TMEM230: variants seen among roughly 807,000 people sequenced by gnomAD.
The protein encoded by TMEM230 is transmembrane protein 230.
Under a neutral mutation model 15.8 loss-of-function variants are expected in TMEM230, and 10 were observed. The observed-to-expected ratio is 0.63, with a 90% CI of 0.39 to 1.07. The LOEUF (loss-of-function observed/expected upper bound fraction) is 1.07, where lower values mean the gene tolerates loss of function less well. Ranked by LOEUF, TMEM230 falls within the 50% of genes least tolerant of loss-of-function variation. The probability of loss-of-function intolerance (pLI) is 0.01; values close to 1 mark genes in which losing one functional copy is unlikely to be tolerated. For missense variants in TMEM230, 165 were observed against 193.3 expected (o/e 0.85, Z 0.87); for synonymous variants, 67 against 76.9 (o/e 0.87, Z 0.68).
At position 5,100,889 on chromosome 20, in the gene TMEM230, C is replaced by G. The variant is rs760972897; in HGVS notation, c.454G>C (p.Val152Leu). The G allele has an allele frequency of 2.5e-6, 4 of 1,614,178 alleles. No homozygotes were observed. The highest frequency in any genetic ancestry group is 3.4e-6 in the Non-Finnish European group (4 of 1,180,032). Reference sequence around the variant, plus strand: ...AGGTGGTAAAATCCGGGTAGGAACACCAGAATGCCAATGATCAGCACTGGA... The same window carrying G: ...AGGTGGTAAAATCCGGGTAGGAACAGCAGAATGCCAATGATCAGCACTGGA... Residue 152 changes from valine to leucine, a missense_variant, in exon 5 of 5, where the codon GTG becomes CTG. By Grantham distance (32) the Val-to-Leu change is conservative. Transcript: ENST00000342308.
At chr20:5,091,596 T>G (rs944523887) in intron 3 of TMEM230, among the ~76,000 whole-genome samples, 8 of 152,218 alleles carry the variant, frequency 5.3e-5, no homozygotes, top group African/African-American at 1.9e-4. Flanking sequence ...CCCAAGGATA[T>G]GATGGGCTGA....
downstream of TMEM230, among the ~76,000 whole-genome samples, chr20:5,063,697 A>G (rs2088627356): frequency 6.6e-6 from 1 of 152,196 alleles, no homozygotes; most frequent in Non-Finnish European, 1.5e-5. Context: ...AGAAAAGTGA[A>G]AAGTCATACA....
exon 4 of TMEM230, chr20:5,069,079 C>T: frequency 3.2e-6 from 3 of 950,174 alleles, no homozygotes; most frequent in South Asian, 3.4e-5. Flanking sequence ...GTAGGAGAAG[C>T]TCTCTGCTGC....
downstream of TMEM230, among the ~76,000 whole-genome samples, chr20:5,067,762 C>CTT (rs3056049): frequency 0.56 from 76,213 of 135,618 alleles, 22,430 homozygotes; most frequent in East Asian, 0.84. Flanking sequence ...CCCCCCTCTG[C>CTT]TTTTTTTTTT....
At chr20:5,087,816 T>C (rs1242602607) in intron 3 of TMEM230, among the ~76,000 whole-genome samples, 4 of 138,894 alleles carry the variant, frequency 2.9e-5, no homozygotes, top group Non-Finnish European at 6.1e-5. Context: ...AGGCATTCGG[T>C]GGAGTAGCTG....
intron 3 of TMEM230, among the ~76,000 whole-genome samples, chr20:5,075,939 A>G (rs927052845): frequency 2.6e-5 from 4 of 151,934 alleles, no homozygotes; most frequent in African/African-American, 9.7e-5. Context: ...CACTGTCTCT[A>G]CAAAAATATA....
intron 4 of TMEM230, 144 bp downstream of exon 3, chr20:5,106,044 C>G: frequency 7.7e-7 from 1 of 1,302,558 alleles, no homozygotes; most frequent in Non-Finnish European, 1.0e-6. Context: ...GAGCAAGACC[C>G]TGTCTCAAAA....
At chr20:5,064,864 T>A (rs2088637082), downstream of TMEM230, among the ~76,000 whole-genome samples, 1 of 151,764 alleles carries the variant, frequency 6.6e-6, no homozygotes, top group African/African-American at 2.4e-5. Flanking sequence ...GTACAGATAC[T>A]TGTACAGATT....
chr20:5,113,071 A>T lies in TMEM230; in HGVS notation c.-43T>A, dbSNP rs1284445512. The T allele has an allele frequency of 1.3e-6, 2 of 1,538,526 alleles. No homozygotes were observed. Among genetic ancestry groups the T allele is most frequent in the Non-Finnish European group, 1.7e-6 (2 of 1,145,380 alleles). On this transcript the variant is annotated 5_prime_UTR_variant, in exon 1 of 5. Coordinates refer to ENST00000342308, the MANE Select transcript of TMEM230 (RefSeq NM_001009923.2). ...TGCCACTCAGCCGGCCCCAGGCGGG[A>T]TCAGTGCGCCGGAAGTGGCGTGCCG...
chr20:5,059,203 C>T, the TMEM230 span, among the ~76,000 whole-genome samples: 5 of 151,414 alleles, frequency 3.3e-5, no homozygotes, highest in Admixed American at 6.6e-5. Context: ...TGTTCTGTTG[C>T]CCAGACTGGA....
rs763498321 is a variant in TMEM230, at chr20:5,076,676, C to CT, written c.223-7328dup. Among the ~76,000 whole-genome samples, 1,261 of 127,460 alleles carry CT rather than the reference C, an allele frequency of 9.9e-3. 19 individuals carry two copies. The highest frequency in any genetic ancestry group is 0.013 in the Non-Finnish European group (796 of 60,548). The allele number at this position is 127,460 out of a possible 152,430, so 83.6% of individuals were successfully genotyped here. ...CTGTTTATATTCTTGGATTGATATTCTTTTTTTTTTTTTTTTTTTGAGACA... is the reference window on the plus strand; with the variant it reads ...CTGTTTATATTCTTGGATTGATATTCTTTTTTTTTTTTTTTTTTTTGAGACA... On this transcript the variant is annotated intron_variant, in intron 3 of 3. Transcript: ENST00000612323.
At chr20:5,093,729 G>A (rs186792534) in intron 3 of TMEM230, among the ~76,000 whole-genome samples, 2 of 152,104 alleles carry the variant, frequency 1.3e-5, no homozygotes, top group Non-Finnish European at 2.9e-5. Context: ...TAGAGACACA[G>A]GGTTTGCCAT....
chr20:5,084,678 C>T (rs551519753), intron 3 of TMEM230, among the ~76,000 whole-genome samples: 10 of 152,274 alleles, frequency 6.6e-5, no homozygotes, highest in Admixed American at 2.6e-4. Flanking sequence ...GAACTACAGG[C>T]GTGTGCCACC....
At chr20:5,085,923 A>G (rs976191674) in intron 3 of TMEM230, among the ~76,000 whole-genome samples, 4 of 152,106 alleles carry the variant, frequency 2.6e-5, no homozygotes, top group Admixed American at 2.0e-4. Context: ...GTCAGGCCAT[A>G]CCTGCCGTGT....
chr20:5,100,982 T>A, intron 4 of TMEM230, 51 bp from the exon 4 acceptor site: 1 of 1,603,528 alleles, frequency 6.2e-7, no homozygotes, highest in Non-Finnish European at 8.5e-7. Flanking sequence ...TTACACATTT[T>A]AAAATAAAAC....
intron 2 of TMEM230, among the ~76,000 whole-genome samples, chr20:5,110,421 A>C (rs2090266062): frequency 6.6e-6 from 1 of 151,828 alleles, no homozygotes; most frequent in African/African-American, 2.4e-5. Context: ...AGTAGCTGGG[A>C]TTACAGGCGT....
chr20:5,069,086 C>T (rs2088741443), exon 4 of TMEM230: 1 of 1,015,806 alleles, frequency 9.8e-7, no homozygotes, highest in East Asian at 2.6e-5. Context: ...AAGCTCTCTG[C>T]TGCATTTTAC....
downstream of TMEM230, among the ~76,000 whole-genome samples, chr20:5,064,557 C>A (rs1010482705): frequency 8.6e-5 from 13 of 151,938 alleles, no homozygotes; most frequent in African/African-American, 1.2e-4. Flanking sequence ...GCCTGGGCAA[C>A]AAGAGCGAAA....
intron 4 of TMEM230, among the ~76,000 whole-genome samples, chr20:5,103,664 CA>C (rs374308072): frequency 2.7e-5 from 4 of 148,108 alleles, no homozygotes; most frequent in Non-Finnish European, 6.0e-5. Context: ...AACCAAAAAA[CA>C]AAAAAACATA....
Sources: gnomAD v4.1 joint callset for allele counts (sites outside exome capture counted in the v4.1 genomes callset) on GRCh38, gnomAD v4.1.1 for gene constraint, MANE v1.5 for transcripts, NCBI Gene and HGNC (gene_info 2026-07-23, HGNC 2026-07-21) for gene names.